SYNPO2: variants seen among roughly 807,000 people sequenced by gnomAD.
SYNPO2 encodes synaptopodin 2.
SYNPO2 carries 56 observed loss-of-function variants against 85.0 expected under a neutral mutation model. The observed-to-expected ratio is 0.66, with a 90% CI of 0.53 to 0.82. The LOEUF is 0.82. Among genes scored for constraint, SYNPO2 ranks in the 40% least tolerant of loss-of-function variants. The pLI is 0.00. For missense variants in SYNPO2, 1,575 were observed against 1,534.2 expected, an observed-to-expected ratio of 1.03 and a Z score of -0.44; for synonymous variants, 602 against 591.1, an observed-to-expected ratio of 1.02 and a Z score of -0.27.
At chr4:118,976,297 G>A (rs925451941) in intron 1 of SYNPO2, among the ~76,000 whole-genome samples, 6 of 152,096 alleles carry the variant, frequency 3.9e-5, no homozygotes, top group Non-Finnish European at 5.9e-5. Flanking sequence ...AAGGCAGCGC[G>A]TCTGGAGTTA....
intron 1 of SYNPO2, among the ~76,000 whole-genome samples, chr4:118,852,781 C>A (rs1731442253): frequency 6.6e-6 from 1 of 152,086 alleles, no homozygotes; most frequent in South Asian, 2.1e-4. Context: ...AGGCTTAATA[C>A]CGGAGTGACA....
intron 4 of SYNPO2, 37 bp downstream of exon 4, chr4:119,032,064 A>G: frequency 6.2e-7 from 1 of 1,605,810 alleles, no homozygotes; most frequent in Non-Finnish European, 8.5e-7. Flanking sequence ...GTAATCTTGT[A>G]GCTGAAGCTG....
chr4:119,034,763 G>A, intron 4 of SYNPO2: 1 of 985,494 alleles, frequency 1.0e-6, no homozygotes, highest in Non-Finnish European at 1.2e-6. Context: ...TGCCCACCAG[G>A]GGCTATATGT....
intron 4 of SYNPO2, chr4:119,032,729 A>G: frequency 1.1e-6 from 1 of 934,682 alleles, no homozygotes; most frequent in East Asian, 1.2e-4. Flanking sequence ...ACTTATTTAA[A>G]GTAAATGGGG....
chr4:118,904,677 T>C (rs1374453566), intron 1 of SYNPO2, among the ~76,000 whole-genome samples: 1 of 152,134 alleles, frequency 6.6e-6, no homozygotes, highest in East Asian at 1.9e-4. Flanking sequence ...AAGACCTTAT[T>C]ACTATATAAG....
chr4:118,942,729 T>G (rs554389361), intron 1 of SYNPO2, among the ~76,000 whole-genome samples: 4 of 152,198 alleles, frequency 2.6e-5, no homozygotes, highest in Non-Finnish European at 5.9e-5. Context: ...ACAACTGGCA[T>G]CTAGTGGATA....
chr4:118,856,657 G>A (rs1731511869), intron 1 of SYNPO2, among the ~76,000 whole-genome samples: 1 of 151,936 alleles, frequency 6.6e-6, no homozygotes, highest in Admixed American at 6.6e-5. Context: ...GGGACCACAG[G>A]CACATATCAT....
At position 118,862,456 on chromosome 4, in the gene SYNPO2, A is replaced by G. The variant is rs534314995; in HGVS notation, c.12+11516A>G. Among the ~76,000 whole-genome samples, 3 of 152,314 alleles carry G rather than the reference A, an allele frequency of 2.0e-5. No individual in the cohort carries two copies. In the South Asian group the frequency reaches 6.2e-4, roughly 32 times the overall value. ...TTCCCCATTCAGTATGATACTAGCT[A>G]TGGATCTATCATACATAGCTTTTAT... On this transcript the variant is annotated intron_variant, in intron 1 of 4. Coordinates refer to the SYNPO2 transcript ENST00000610556.
At chr4:118,885,198 G>A (rs1410441817), upstream of SYNPO2, among the ~76,000 whole-genome samples, 2 of 152,176 alleles carry the variant, frequency 1.3e-5, no homozygotes, top group Non-Finnish European at 2.9e-5. Flanking sequence ...GTAGGTAGTG[G>A]GAGGCAGAAA....
At chr4:119,000,682 A>G (rs1362873488) in intron 1 of SYNPO2, among the ~76,000 whole-genome samples, 1 of 152,224 alleles carries the variant, frequency 6.6e-6, no homozygotes, top group East Asian at 1.9e-4. Flanking sequence ...CCTCATCGCT[A>G]TCTGAGTTGC....
intron 1 of SYNPO2, among the ~76,000 whole-genome samples, chr4:118,945,965 C>T (rs376312420): frequency 4.6e-5 from 7 of 152,060 alleles, no homozygotes; most frequent in Admixed American, 1.3e-4. Context: ...AGGATGGTCT[C>T]GATCTCTTGA....
chr4:119,038,218 AGCCTACTGTCTCT>A lies in SYNPO2; in HGVS notation c.3252+6194_3252+6206del, dbSNP rs538823189. On this transcript the variant is annotated intron_variant, in intron 4 of 4. Coordinates refer to ENST00000307142, the MANE Select transcript of SYNPO2 (RefSeq NM_133477.3). ...GAATTTCCCAAACTGATTCACCAAG[AGCCTACTGTCTCT>A]GCTTTGTAGATAGCTTTGACCACAT... is the stretch of plus-strand genomic sequence containing the variant. The A allele has an allele frequency of 2.6e-4, 257 of 985,430 alleles. No individual in the cohort carries two copies. The African/African-American group carries it at 4.3e-3, about 17-fold the overall frequency. The allele number at this position is 985,430 out of a possible 1,614,324, so 61.0% of individuals were successfully genotyped here.
At chr4:118,963,497 T>G (rs1416196294) in intron 1 of SYNPO2, among the ~76,000 whole-genome samples, 1 of 152,216 alleles carries the variant, frequency 6.6e-6, no homozygotes, top group Non-Finnish European at 1.5e-5. Flanking sequence ...TATTTTTAAG[T>G]CTTGCATCTT....
At chr4:118,891,330 T>A (rs950263879) in intron 1 of SYNPO2, among the ~76,000 whole-genome samples, 1 of 152,172 alleles carries the variant, frequency 6.6e-6, no homozygotes, top group South Asian at 2.1e-4. Context: ...TTAATTTTTG[T>A]GTGTTTGTGT....
intron 1 of SYNPO2, among the ~76,000 whole-genome samples, chr4:118,872,085 A>T (rs2110572941): frequency 6.6e-6 from 1 of 152,330 alleles, no homozygotes; most frequent in Non-Finnish European, 1.5e-5. Context: ...TTCACTCAGG[A>T]ATGCATTAGC....
At chr4:118,990,035 G>A (rs1488165846) in intron 1 of SYNPO2, among the ~76,000 whole-genome samples, 1 of 152,206 alleles carries the variant, frequency 6.6e-6, no homozygotes, top group African/African-American at 2.4e-5. Flanking sequence ...AAAACATCAA[G>A]CATAATCCCA....
chr4:118,859,251 A>T (rs1013075222), intron 1 of SYNPO2, among the ~76,000 whole-genome samples: 6 of 152,138 alleles, frequency 3.9e-5, no homozygotes, highest in Admixed American at 6.6e-5. Flanking sequence ...TTATTTTTAA[A>T]TTTTTTTAAA....
intron 4 of SYNPO2, chr4:119,032,763 G>A: frequency 1.1e-6 from 1 of 884,360 alleles, no homozygotes; most frequent in Non-Finnish European, 1.4e-6. Context: ...TTCATGCCTG[G>A]AATCCTAGCA....
At chr4:118,859,424 A>G (rs1431181370) in intron 1 of SYNPO2, among the ~76,000 whole-genome samples, 1 of 152,106 alleles carries the variant, frequency 6.6e-6, no homozygotes, top group Admixed American at 6.6e-5. Context: ...AAATGATCCA[A>G]TTCTACTCTT....
Sources: gnomAD v4.1 joint callset for allele counts (sites outside exome capture counted in the v4.1 genomes callset) on GRCh38, gnomAD v4.1.1 for gene constraint, MANE v1.5 for transcripts, NCBI Gene and HGNC (gene_info 2026-07-23, HGNC 2026-07-21) for gene names.